Variants in MBOAT2 observed in about 807,000 individuals in gnomAD.
MBOAT2 encodes membrane bound glycerophospholipid O-acyltransferase 2.
A neutral mutation model predicts 63.4 loss-of-function variants in MBOAT2; 28 were observed. The ratio of observed to expected loss-of-function variants is 0.44; its 90% CI spans 0.33 to 0.61. MBOAT2 has a LOEUF of 0.61. Among genes scored for constraint, MBOAT2 ranks in the 20% least tolerant of loss-of-function variants. MBOAT2 has a pLI of 0.03. For synonymous variants in MBOAT2, 211 were observed against 215.6 expected (o/e 0.98, Z 0.19); for missense variants, 470 against 605.8 (o/e 0.78, Z 2.35).
intron 1 of MBOAT2, among the ~76,000 whole-genome samples, chr2:9,001,004 CACAA>C (rs1672648707): frequency 6.6e-6 from 1 of 151,790 alleles, no homozygotes; most frequent in African/African-American, 2.4e-5. Flanking sequence ...AAAACTAAGA[CACAA>C]ACACACACAC....
At chr2:8,949,000 G>A (rs532660580) in intron 2 of MBOAT2, among the ~76,000 whole-genome samples, 12 of 152,094 alleles carry the variant, frequency 7.9e-5, no homozygotes, top group African/African-American at 1.7e-4. Flanking sequence ...GCCAATATCC[G>A]TTGTGTTTTG....
At chr2:8,927,771 T>C (rs1667035152) in intron 3 of MBOAT2, among the ~76,000 whole-genome samples, 1 of 152,192 alleles carries the variant, frequency 6.6e-6, no homozygotes, top group Admixed American at 6.5e-5. Context: ...CTCGAGTCTG[T>C]CACCTATCAG....
At chr2:9,002,058 C>T (rs755522722) in intron 1 of MBOAT2, among the ~76,000 whole-genome samples, 36 of 150,080 alleles carry the variant, frequency 2.4e-4, no homozygotes, top group Non-Finnish European at 5.0e-4. Context: ...ACACTGCACA[C>T]CAGTGTGGAA....
At position 8,912,421 on chromosome 2, in the gene MBOAT2, C is replaced by A. The variant is rs553640401; in HGVS notation, c.300-3705G>T. Among the ~76,000 whole-genome samples the A allele has an allele frequency of 5.4e-4, 75 of 138,082 alleles. 3 individuals are homozygous for A. The highest frequency in any genetic ancestry group is 2.0e-3 in the African/African-American group (69 of 35,290). 90.6% of individuals were successfully genotyped at this position (138,082 alleles called of 152,430 possible). A position where few individuals can be genotyped will look rare whatever the true frequency, so the allele number is the denominator to read the frequency against. On this transcript the variant is annotated intron_variant, in intron 3 of 12. Transcript: ENST00000305997. ...AAAGAAAGAAAGAAAGAAAGACAGG[C>A]CGGCCGGCCTTGAAAACCCTAAGGA...
chr2:8,864,270 AAAT>A, intron 9 of MBOAT2, 36 bp from the exon 10 acceptor site: 1 of 1,317,996 alleles, frequency 7.6e-7, no homozygotes, highest in African/African-American at 1.5e-5. Context: ...TTGTGTCACA[AAAT>A]AATGAAGCTT....
intron 4 of MBOAT2, among the ~76,000 whole-genome samples, chr2:8,897,790 C>T (rs1034895372): frequency 2.6e-5 from 4 of 152,164 alleles, no homozygotes; most frequent in African/African-American, 7.2e-5. Flanking sequence ...CAGTCATGCT[C>T]GATTGGTTCC....
chr2:8,873,221 T>G lies in MBOAT2; in HGVS notation c.770A>C (p.Glu257Ala). The G allele has an allele frequency of 6.2e-7, 1 of 1,614,138 alleles. No individual in the cohort carries two copies. Among genetic ancestry groups the G allele is most frequent in the Non-Finnish European group, 8.5e-7 (1 of 1,179,970 alleles). The change falls in exon 8 of 13, where the codon GAG (glutamate) becomes GCG (alanine). Residue 257 changes from glutamate to alanine, a missense_variant. Physicochemically the swap from Glu to Ala is moderately radical, Grantham distance 107 (BLOSUM62 -1). This residue lies in a region of MBOAT2 where 376 missense variants were observed against 503.8 expected (regional missense o/e 0.75). Coordinates refer to ENST00000305997, the MANE Select transcript of MBOAT2 (RefSeq NM_138799.4). ...HLTICTTLPV[E>A]YNIDEHFQAT... ...TTGAAAATGCTCATCAATGTTGTACTCCACAGGTAATGTTGTACAGATGGT... is the reference window on the plus strand; with the variant it reads ...TTGAAAATGCTCATCAATGTTGTACGCCACAGGTAATGTTGTACAGATGGT...
intron 5 of MBOAT2, 100 bp from the exon 6 acceptor site, chr2:8,882,665 C>G: frequency 2.0e-6 from 2 of 1,011,266 alleles, no homozygotes; most frequent in Non-Finnish European, 3.1e-6. Flanking sequence ...GAAATTCATG[C>G]TATTATATTC....
intron 3 of MBOAT2, among the ~76,000 whole-genome samples, chr2:8,924,882 G>A (rs1176674241): frequency 2.6e-5 from 4 of 152,016 alleles, no homozygotes; most frequent in South Asian, 2.1e-4. Context: ...AAAATACAAC[G>A]AATAATATTG....
chr2:8,867,962 C>T (rs1341578972), intron 9 of MBOAT2, among the ~76,000 whole-genome samples: 1 of 152,100 alleles, frequency 6.6e-6, no homozygotes, highest in East Asian at 1.9e-4. Context: ...GCTGCCTGGC[C>T]TCCACTTCCC....
chr2:8,872,700 A>T (rs1662411508), intron 8 of MBOAT2, among the ~76,000 whole-genome samples: 1 of 152,248 alleles, frequency 6.6e-6, no homozygotes, highest in Non-Finnish European at 1.5e-5. Flanking sequence ...CTTTGCTGAT[A>T]AACTACTGAT....
intron 3 of MBOAT2, among the ~76,000 whole-genome samples, chr2:8,941,271 A>G (rs1668035343): frequency 6.6e-6 from 1 of 152,226 alleles, no homozygotes; most frequent in Non-Finnish European, 1.5e-5. Context: ...CTAATCTTCT[A>G]CATCAATAGT....
At chr2:8,956,637 C>T (rs1669246788) in intron 2 of MBOAT2, among the ~76,000 whole-genome samples, 1 of 152,084 alleles carries the variant, frequency 6.6e-6, no homozygotes. Context: ...GTTGAGACTG[C>T]AGTGAGCTGT....
chr2:8,968,808 G>C (rs1483063640), intron 1 of MBOAT2, among the ~76,000 whole-genome samples: 1 of 152,142 alleles, frequency 6.6e-6, no homozygotes, highest in Non-Finnish European at 1.5e-5. Flanking sequence ...ATGAAATGAA[G>C]CGAGAAGAGA....
At chr2:8,932,581 C>T (rs1379931822) in intron 3 of MBOAT2, among the ~76,000 whole-genome samples, 1 of 152,118 alleles carries the variant, frequency 6.6e-6, no homozygotes, top group Non-Finnish European at 1.5e-5. Flanking sequence ...ATAAAGCAAT[C>T]TAACAAACCT....
intron 3 of MBOAT2, among the ~76,000 whole-genome samples, chr2:8,932,409 A>G (rs1667383991): frequency 6.6e-6 from 1 of 152,188 alleles, no homozygotes. Context: ...GATGAAGAAG[A>G]CAGAGAAGAA....
intron 2 of MBOAT2, among the ~76,000 whole-genome samples, chr2:8,944,139 G>A (rs572251025): frequency 9.1e-4 from 139 of 152,158 alleles, no homozygotes; most frequent in African/African-American, 1.9e-3. Flanking sequence ...CTGGGACTAC[G>A]GGCATGAGCC....
intron 2 of MBOAT2, among the ~76,000 whole-genome samples, chr2:8,950,909 C>T: frequency 6.6e-6 from 1 of 152,080 alleles, no homozygotes; most frequent in Admixed American, 6.6e-5. Flanking sequence ...ATATAGTTTT[C>T]ATTTTTAATT....
chr2:8,894,587 T>C (rs1163148521), intron 4 of MBOAT2, among the ~76,000 whole-genome samples: 3 of 152,216 alleles, frequency 2.0e-5, no homozygotes, highest in Non-Finnish European at 4.4e-5. Context: ...ACTCTGAACG[T>C]GAATAATACT....
Sources: allele counts gnomAD v4.1 joint callset (sites outside exome capture counted in the v4.1 genomes callset), GRCh38; gene constraint gnomAD v4.1.1; regional missense constraint gnomAD v4.1.1; transcripts MANE v1.5; gene names NCBI Gene and HGNC (gene_info 2026-07-23, HGNC 2026-07-21).